The following ERO1B variants were observed in gnomAD, a reference collection of about 807,000 sequenced individuals.
The protein encoded by ERO1B is endoplasmic reticulum oxidoreductase 1 beta.
A neutral mutation model predicts 75.3 loss-of-function variants in ERO1B; 49 were observed. The observed-to-expected ratio is 0.65, with a 90% CI of 0.52 to 0.83. The LOEUF is 0.83. Among genes scored for constraint, ERO1B ranks in the 40% least tolerant of loss-of-function variants. The pLI, the probability that ERO1B is intolerant of heterozygous loss-of-function variation, is 0.00. For missense variants in ERO1B, 512 were observed against 560.1 expected (o/e 0.91, Z 0.87); for synonymous variants, 191 against 192.9 (o/e 0.99, Z 0.08).
At chr1:236,257,418 C>T (rs917666608) in intron 2 of ERO1B, among the ~76,000 whole-genome samples, 3 of 151,948 alleles carry the variant, frequency 2.0e-5, no homozygotes, top group African/African-American at 4.8e-5. Flanking sequence ...TCCAGCAACT[C>T]CCTGCAGATT....
In ERO1B at chr1:236,243,491, G is replaced by A; in HGVS notation, c.436C>T (p.Gln146Ter). ...CAGTCAATGAAAGCTTCTTTGCTTT[G>A]ATTACTATGGGAAGGAGGAATAAAA... ...LGAINSTLSN[Q>*]SKEAFIDWAR... Residue 146 changes from glutamine to a stop codon, truncating the protein, a stop_gained, in exon 6 of 16, where the codon CAA becomes TAA. Transcript: ENST00000354619. LOFTEE classifies it high-confidence loss of function. 3 of 1,599,210 alleles carry A rather than the reference G, an allele frequency of 1.9e-6. No individual in the cohort carries two copies. In the South Asian group the frequency reaches 3.4e-5, roughly 18 times the overall value.
At chr1:236,259,521 A>C (rs936125848) in intron 2 of ERO1B, among the ~76,000 whole-genome samples, 1 of 152,202 alleles carries the variant, frequency 6.6e-6, no homozygotes, top group Admixed American at 6.5e-5. Flanking sequence ...CTCTAAGGAC[A>C]CACACAGACT....
intron 13 of ERO1B, 51 bp from the exon 14 acceptor site, chr1:236,222,061 G>C: frequency 7.4e-7 from 1 of 1,344,166 alleles, no homozygotes; most frequent in Non-Finnish European, 1.1e-6. Context: ...AAATTGAACC[G>C]CATTTGGCTA....
At chr1:236,266,701 G>A (rs1022184209) in intron 2 of ERO1B, among the ~76,000 whole-genome samples, 1 of 151,894 alleles carries the variant, frequency 6.6e-6, no homozygotes, top group Non-Finnish European at 1.5e-5. Flanking sequence ...TGCCACTGTT[G>A]TAGGTAGAGT....
intron 6 of ERO1B, among the ~76,000 whole-genome samples, chr1:236,238,961 CTTTT>C (rs1452703688): frequency 3.9e-5 from 6 of 151,946 alleles, no homozygotes; most frequent in Non-Finnish European, 7.4e-5. Flanking sequence ...TTTCATTGTT[CTTTT>C]TTAAGAAAAG....
chr1:236,277,106 A>G (rs1438868249), intron 1 of ERO1B, among the ~76,000 whole-genome samples: 2 of 152,210 alleles, frequency 1.3e-5, no homozygotes, highest in Admixed American at 1.3e-4. Context: ...CTTTACAGCA[A>G]TACAAGAATG....
chr1:236,218,433 T>G lies in ERO1B; in HGVS notation c.*83A>C, dbSNP rs984158479. 1 of 1,283,100 alleles carries G rather than the reference T, an allele frequency of 7.8e-7. No individual in the cohort carries two copies. The highest frequency in any genetic ancestry group is 1.0e-6 in the Non-Finnish European group (1 of 991,732). The allele number at this position is 1,283,100 out of a possible 1,614,324, so 79.5% of individuals were successfully genotyped here. On this transcript the variant is annotated 3_prime_UTR_variant, in exon 16 of 16. Coordinates refer to ENST00000354619, the MANE Select transcript of ERO1B (RefSeq NM_019891.4). Reference sequence around the variant, plus strand: ...TAGTTCAGAATTCTTGAAGTCAGATTAGTGTCTTTCTGATGAATGTCCATA... The same window carrying G: ...TAGTTCAGAATTCTTGAAGTCAGATGAGTGTCTTTCTGATGAATGTCCATA...
At position 236,268,301 on chromosome 1, in the gene ERO1B, G is replaced by A. The variant is rs944981274; in HGVS notation, c.222+1574C>T. Among the ~76,000 whole-genome samples, 8 of 152,110 alleles carry A rather than the reference G, an allele frequency of 5.3e-5. No individual in the cohort carries two copies. In the East Asian group the frequency reaches 1.2e-3, roughly 22 times the overall value. The stretch of plus-strand genomic sequence containing the variant: ...CTAAAAATACAAAAATTAGCCAGGC[G>A]TGGTGGTGGGCGCCTGTAATCCCAG... On this transcript the variant is annotated intron_variant, in intron 2 of 15. Transcript: ENST00000354619.
chr1:236,243,886 T>G (rs1334063651), intron 5 of ERO1B, among the ~76,000 whole-genome samples: 1 of 152,182 alleles, frequency 6.6e-6, no homozygotes, highest in Admixed American at 6.5e-5. Context: ...AGAATTCTTT[T>G]AATTTAAATT....
Position 236,215,306 on chromosome 1 carries a change from T to C in ERO1B, c.*3210A>G, listed in dbSNP as rs544002406. On this transcript the variant is annotated 3_prime_UTR_variant, in exon 16 of 16. Coordinates refer to ENST00000354619, the MANE Select transcript of ERO1B (RefSeq NM_019891.4). ...CCTTTTTTATCCTCAGTCTTCTTAC[T>C]TATAAAACAGAGAAGTAATTGTACC... Among the ~76,000 whole-genome samples the C allele has an allele frequency of 7.1e-4, 108 of 152,326 alleles. No individual in the cohort carries two copies. Among genetic ancestry groups the C allele is most frequent in the Non-Finnish European group, 1.2e-3 (83 of 68,020 alleles).
In ERO1B at chr1:236,259,677, A is replaced by C. The variant is rs1307570952; in HGVS notation, c.223-6172T>G. 6.8e-5 allele frequency among the ~76,000 whole-genome samples: 10 copies of C among 148,066 alleles called. No individual in the cohort carries two copies. The East Asian group carries it at 1.6e-3, about 24-fold the overall frequency. On this transcript the variant is annotated intron_variant, in intron 2 of 15. Transcript: ENST00000354619. ...AAAATGATAAGGGGGTCAATTTATC[A>C]AGAAGTTACAAAAACTAAATATATA...
intron 15 of ERO1B, 43 bp from the exon 16 acceptor site, chr1:236,218,619 G>A: frequency 2.4e-6 from 3 of 1,252,798 alleles, no homozygotes; most frequent in South Asian, 2.5e-5. Flanking sequence ...CTAACATGTT[G>A]CATACTGTTT....
At chr1:236,278,835 T>G (rs954232750) in intron 1 of ERO1B, among the ~76,000 whole-genome samples, 1 of 152,214 alleles carries the variant, frequency 6.6e-6, no homozygotes, top group Non-Finnish European at 1.5e-5. Context: ...ATTTTTCTGC[T>G]TTTATTTTGG....
chr1:236,265,365 T>C (rs1665411512), intron 2 of ERO1B, among the ~76,000 whole-genome samples: 1 of 152,212 alleles, frequency 6.6e-6, no homozygotes, highest in Non-Finnish European at 1.5e-5. Flanking sequence ...ATCTATTTGG[T>C]CATGATTTTA....
intron 5 of ERO1B, among the ~76,000 whole-genome samples, chr1:236,246,981 C>T (rs1664900021): frequency 6.6e-6 from 1 of 152,152 alleles, no homozygotes; most frequent in Non-Finnish European, 1.5e-5. Flanking sequence ...AGAATTATCA[C>T]ATTATATAAA....
chr1:236,249,808 GT>G, intron 5 of ERO1B, 76 bp downstream of exon 5: 1 of 1,158,212 alleles, frequency 8.6e-7, no homozygotes, highest in Non-Finnish European at 1.2e-6. Flanking sequence ...GTTCGAAAAT[GT>G]TTTACCAAAA....
chr1:236,251,400 CT>C, intron 4 of ERO1B: 6 of 744,828 alleles, frequency 8.1e-6, no homozygotes, highest in Non-Finnish European at 9.8e-6. Flanking sequence ...GTTTCAACTG[CT>C]TTTATATGGT....
In ERO1B at chr1:236,281,787, G is replaced by A; in HGVS notation, c.-4C>T. 1 of 1,493,644 alleles carries A rather than the reference G, an allele frequency of 6.7e-7. No individual in the cohort carries two copies. The highest frequency in any genetic ancestry group is 8.9e-7 in the Non-Finnish European group (1 of 1,122,332). The allele number at this position is 1,493,644 out of a possible 1,614,324, so 92.5% of individuals were successfully genotyped here. A position where few individuals can be genotyped will look rare whatever the true frequency, so the allele number is the denominator to read the frequency against. On this transcript the variant is annotated 5_prime_UTR_variant, in exon 1 of 16. Transcript: ENST00000354619. ...CCCGGCGGACCCCTTGGCTCATGCTGACCTCTACCCACACCGCGGCCAGCC... is the reference window on the plus strand; with the variant it reads ...CCCGGCGGACCCCTTGGCTCATGCTAACCTCTACCCACACCGCGGCCAGCC...
intron 1 of ERO1B, among the ~76,000 whole-genome samples, chr1:236,275,074 G>T (rs1166990766): frequency 6.6e-6 from 1 of 152,192 alleles, no homozygotes; most frequent in African/African-American, 2.4e-5. Context: ...TATACAATAG[G>T]CAAGAAGGAG....
Sources: allele counts gnomAD v4.1 joint callset (sites outside exome capture counted in the v4.1 genomes callset), GRCh38; gene constraint gnomAD v4.1.1; transcripts MANE v1.5; gene names NCBI Gene and HGNC (gene_info 2026-07-23, HGNC 2026-07-21).